Variants in TRPC7 observed in about 807,000 individuals in gnomAD.
TRPC7 encodes the protein short transient receptor potential channel 7.
In TRPC7, 42 loss-of-function variants were observed where a neutral mutation model predicts 90.1. The observed-to-expected ratio is 0.47, with a 90% confidence interval of 0.36 to 0.60. The LOEUF (loss-of-function observed/expected upper bound fraction) is 0.60, where lower values mean the gene tolerates loss of function less well. Among genes scored for constraint, TRPC7 ranks in the 20% least tolerant of loss-of-function variants. The pLI is 0.00. For missense variants in TRPC7, 955 were observed against 1,112.3 expected (o/e 0.86, Z 2.01); for synonymous variants, 451 against 436.3 (o/e 1.03, Z -0.42).
intron 2 of TRPC7, among the ~76,000 whole-genome samples, chr5:136,325,758 G>A (rs529476135): frequency 6.6e-6 from 1 of 151,632 alleles, no homozygotes; most frequent in Non-Finnish European, 1.5e-5. Flanking sequence ...CTGGGGGCAG[G>A]GAATCTCAGG....
At chr5:136,335,090 G>A (rs905213002) in intron 2 of TRPC7, among the ~76,000 whole-genome samples, 1 of 152,188 alleles carries the variant, frequency 6.6e-6, no homozygotes, top group Non-Finnish European at 1.5e-5. Flanking sequence ...GATAGCCCTT[G>A]GAAGTAAGAT....
At chr5:136,290,908 A>C (rs1340570602) in intron 3 of TRPC7, among the ~76,000 whole-genome samples, 1 of 152,250 alleles carries the variant, frequency 6.6e-6, no homozygotes, top group Non-Finnish European at 1.5e-5. Flanking sequence ...TGAGTTACCC[A>C]CAAAGGAAAG....
chr5:136,310,828 A>G (rs996041826), intron 3 of TRPC7, among the ~76,000 whole-genome samples: 3 of 152,072 alleles, frequency 2.0e-5, no homozygotes, highest in Non-Finnish European at 4.4e-5. Flanking sequence ...CTTTGAAGGT[A>G]TGACTGTGTT....
rs531097851 is a variant in TRPC7, at chr5:136,292,989, C to T, written c.964-18152G>A. On this transcript the variant is annotated intron_variant, in intron 3 of 11. Transcript: ENST00000513104. ...TCCCTGGGATGCAAGGCTGGTTCAA[C>T]GTATGAAAATCAATAAATGTAATCC... Among the ~76,000 whole-genome samples the T allele has an allele frequency of 2.2e-3, 333 of 152,192 alleles. 1 individual carries two copies. The highest frequency in any genetic ancestry group is 7.4e-3 in the African/African-American group (308 of 41,532).
At chr5:136,283,566 C>T (rs1757614750) in intron 3 of TRPC7, among the ~76,000 whole-genome samples, 1 of 152,138 alleles carries the variant, frequency 6.6e-6, no homozygotes, top group South Asian at 2.1e-4. Flanking sequence ...ATGAGTTAGC[C>T]TCCCACTAAG....
At chr5:136,346,992 A>G (rs563465384) in intron 2 of TRPC7, among the ~76,000 whole-genome samples, 1 of 152,294 alleles carries the variant, frequency 6.6e-6, no homozygotes, top group Admixed American at 6.5e-5. Flanking sequence ...GAAGAGAATT[A>G]ACATAGAAAC....
chr5:136,349,476 T>C (rs1396576190), intron 2 of TRPC7, among the ~76,000 whole-genome samples: 1 of 152,192 alleles, frequency 6.6e-6, no homozygotes, highest in African/African-American at 2.4e-5. Flanking sequence ...AGCTCTCTGG[T>C]GAAAAATTAA....
At chr5:136,327,438 T>C (rs1218251743) in intron 2 of TRPC7, among the ~76,000 whole-genome samples, 4 of 152,158 alleles carry the variant, frequency 2.6e-5, no homozygotes, top group Non-Finnish European at 5.9e-5. Context: ...AGGAACACTG[T>C]GTCCTCAGGG....
chr5:136,315,991 C>T lies in TRPC7; in HGVS notation c.781-212G>A, dbSNP rs569673744. On this transcript the variant is annotated intron_variant, in intron 2 of 11. Coordinates refer to ENST00000513104, the MANE Select transcript of TRPC7 (RefSeq NM_020389.3). Reference sequence around the variant, plus strand: ...CTGAAGGACATTTTCTCTAGGTCAGCATGTGTGAAGGTGTGGTCCATGGGC... The same window carrying T: ...CTGAAGGACATTTTCTCTAGGTCAGTATGTGTGAAGGTGTGGTCCATGGGC... The T allele has an allele frequency of 7.7e-5, 44 of 574,850 alleles. 1 individual carries two copies. In the Middle Eastern group the frequency reaches 1.4e-3, roughly 18 times the overall value. The allele number at this position is 574,850 out of a possible 1,614,324, so 35.6% of individuals were successfully genotyped here.
At chr5:136,332,891 G>A (rs1282021599) in intron 2 of TRPC7, among the ~76,000 whole-genome samples, 1 of 152,194 alleles carries the variant, frequency 6.6e-6, no homozygotes, top group East Asian at 1.9e-4. Context: ...GGAAATGATA[G>A]CATATGTGTT....
At chr5:136,317,466 A>T (rs1036307214) in intron 2 of TRPC7, among the ~76,000 whole-genome samples, 5 of 152,132 alleles carry the variant, frequency 3.3e-5, no homozygotes, top group Non-Finnish European at 5.9e-5. Context: ...ACTTGCTCAG[A>T]TCTTTTCCTG....
chr5:136,228,185 T>G (rs1240909013), intron 8 of TRPC7, among the ~76,000 whole-genome samples: 1 of 151,876 alleles, frequency 6.6e-6, no homozygotes, highest in Non-Finnish European at 1.5e-5. Context: ...TGGAGGAGGG[T>G]CTAGGTGCTG....
chr5:136,355,173 A>C (rs1483059835), intron 2 of TRPC7, among the ~76,000 whole-genome samples: 1 of 152,190 alleles, frequency 6.6e-6, no homozygotes, highest in Non-Finnish European at 1.5e-5. Flanking sequence ...TAATGAGCCC[A>C]GTTGTGGTTC....
intron 1 of TRPC7, among the ~76,000 whole-genome samples, chr5:136,357,616 G>T (rs1010769978): frequency 7.2e-5 from 11 of 152,128 alleles, no homozygotes; most frequent in African/African-American, 2.2e-4. Context: ...TACTCCTTGG[G>T]TGGAGACGGG....
At chr5:136,298,175 T>C (rs1182033897) in intron 3 of TRPC7, among the ~76,000 whole-genome samples, 2 of 152,106 alleles carry the variant, frequency 1.3e-5, no homozygotes, top group Non-Finnish European at 2.9e-5. Flanking sequence ...GTGACCACAT[T>C]CAGATCGGGT....
At chr5:136,329,308 C>A (rs1328418888) in intron 2 of TRPC7, among the ~76,000 whole-genome samples, 1 of 152,058 alleles carries the variant, frequency 6.6e-6, no homozygotes, top group Non-Finnish European at 1.5e-5. Flanking sequence ...ATTTGGGCAC[C>A]CACTGTATGC....
chr5:136,344,946 C>T (rs1759960185), intron 2 of TRPC7, among the ~76,000 whole-genome samples: 1 of 152,102 alleles, frequency 6.6e-6, no homozygotes, highest in South Asian at 2.1e-4. Flanking sequence ...TCATAATTTC[C>T]ATTAGAATGT....
At chr5:136,215,436 A>C (rs1374980207) in intron 11 of TRPC7, among the ~76,000 whole-genome samples, 1 of 152,094 alleles carries the variant, frequency 6.6e-6, no homozygotes, top group Non-Finnish European at 1.5e-5. Context: ...TGAGGTGGCA[A>C]ATAGAATTCA....
rs1487186088 is a variant in TRPC7, at chr5:136,231,411, C to T, written c.1983G>A (p.Val661=). ...VLYGVYNVTM[V]VVLLNMLIAM... ...CTATTAGCATGTTGAGCAACACTACCACCATGGTGACGTTATAAACGCCGT... is the reference window on the plus strand; with the variant it reads ...CTATTAGCATGTTGAGCAACACTACTACCATGGTGACGTTATAAACGCCGT... The change falls in exon 8 of 12, where the codon GTG becomes GTA. Residue 661 remains valine, a synonymous_variant. Transcript: ENST00000513104. 4 of 1,612,170 alleles carry T rather than the reference C, an allele frequency of 2.5e-6. No homozygotes were observed. Among genetic ancestry groups the T allele is most frequent in the Non-Finnish European group, 3.4e-6 (4 of 1,178,638 alleles).
Sources: allele counts gnomAD v4.1 joint callset (sites outside exome capture counted in the v4.1 genomes callset), GRCh38; gene constraint gnomAD v4.1.1; transcripts MANE v1.5; gene names NCBI Gene and HGNC (gene_info 2026-07-23, HGNC 2026-07-21).